Variants in EGF observed in about 807,000 individuals in gnomAD.
The protein encoded by EGF is pro-epidermal growth factor.
In EGF, 95 loss-of-function variants were observed where a neutral mutation model predicts 143.8. The ratio of observed to expected loss-of-function variants is 0.66; its 90% CI spans 0.56 to 0.78. EGF has a LOEUF of 0.78. Ranked by LOEUF, EGF falls within the 30% of genes least tolerant of loss-of-function variation. EGF has a pLI of 0.00. For synonymous variants in EGF, 510 were observed against 510.5 expected, an observed-to-expected ratio of 1.00 and a Z score of 0.01; for missense variants, 1,320 against 1,470.9, an observed-to-expected ratio of 0.90 and a Z score of 1.68.
rs1296494545 is a variant in EGF at position 109,999,680 on chromosome 4, T to C, written c.3007T>C (p.Cys1003Arg). 2 of 1,614,030 alleles carry C rather than the reference T, an allele frequency of 1.2e-6. No homozygotes were observed. The highest frequency in any genetic ancestry group is 8.5e-7 in the Non-Finnish European group (1 of 1,180,018). ...ACCTCTGTTTGTGTGTTGTCACAGC[T>C]GTGTTGTTGGCTACATCGGGGAGCG... is the stretch of plus-strand genomic sequence containing the variant. ...IEALDKYACN[C>R]VVGYIGERCQ... Residue 1003 changes from cysteine to arginine, a missense_variant and splice_region_variant, in exon 21 of 24, where the codon TGT becomes CGT. Cys to Arg is a radical substitution (Grantham distance 180). Around this residue, in one of 5 missense-constraint regions of EGF, gnomAD observed 1,186 missense variants for 1,313.7 expected, o/e 0.90. Coordinates refer to ENST00000265171, the MANE Select transcript of EGF (RefSeq NM_001963.6).
chr4:109,998,193 T>C (rs1232126158), intron 20 of EGF, among the ~76,000 whole-genome samples: 1 of 152,206 alleles, frequency 6.6e-6, no homozygotes, highest in Admixed American at 6.5e-5. Flanking sequence ...CCCATTAACA[T>C]CCAACAGTTT....
rs1463568949 is a variant in EGF, at chr4:110,008,207, G to C, written c.3347G>C (p.Gly1116Ala). The C allele has an allele frequency of 6.2e-7, 1 of 1,614,066 alleles. No homozygotes were observed. The highest frequency in any genetic ancestry group is 1.7e-5 in the Admixed American group (1 of 59,980). ...DLKNGGQPVA[G>A]EDGQAADGSM... The stretch of plus-strand genomic sequence containing the variant: ...AAGAATGGGGGTCAACCAGTGGCTG[G>C]TGAGGATGGCCAGGCAGCAGATGGT... Residue 1116 changes from glycine (G) to alanine (A), a missense_variant, in exon 23 of 24, where the codon GGT becomes GCT. Physicochemically the swap from Gly to Ala is moderately conservative, Grantham distance 60. Coordinates refer to ENST00000265171, the MANE Select transcript of EGF (RefSeq NM_001963.6).
intron 11 of EGF, among the ~76,000 whole-genome samples, chr4:109,970,629 A>G (rs149962037): frequency 6.8e-4 from 103 of 152,170 alleles, no homozygotes; most frequent in East Asian, 4.3e-3. Context: ...GATCGAGACC[A>G]TCCTGGCTAA....
chr4:109,948,590 C>A (rs1478818301), intron 5 of EGF, among the ~76,000 whole-genome samples: 2 of 151,988 alleles, frequency 1.3e-5, no homozygotes, highest in Admixed American at 1.3e-4. Flanking sequence ...ATCAAGCAAT[C>A]CTCCTGCCTC....
intron 16 of EGF, among the ~76,000 whole-genome samples, chr4:109,986,509 A>G (rs1328647914): frequency 6.6e-6 from 1 of 152,212 alleles, no homozygotes; most frequent in Non-Finnish European, 1.5e-5. Flanking sequence ...ATCAAATGCA[A>G]TTACCCAATG....
chr4:110,010,968 G>C (rs1340984226), intron 23 of EGF, among the ~76,000 whole-genome samples: 1 of 152,000 alleles, frequency 6.6e-6, no homozygotes, highest in Non-Finnish European at 1.5e-5. Flanking sequence ...CTGAGCCTAG[G>C]AGGAAGAGGC....
intron 1 of EGF, among the ~76,000 whole-genome samples, chr4:109,938,061 C>T (rs1199036250): frequency 1.3e-5 from 2 of 152,220 alleles, no homozygotes; most frequent in East Asian, 1.9e-4. Flanking sequence ...TGTTGGCCTG[C>T]CTTGCTAGGT....
chr4:109,917,521 C>G (rs1345266044), intron 1 of EGF, among the ~76,000 whole-genome samples: 1 of 151,632 alleles, frequency 6.6e-6, no homozygotes, highest in Non-Finnish European at 1.5e-5. Flanking sequence ...TCAATTTTTA[C>G]TTTACATTCA....
chr4:110,004,163 C>A, intron 21 of EGF: 1 of 372,418 alleles, frequency 2.7e-6, no homozygotes, highest in South Asian at 2.1e-5. Flanking sequence ...TCAATAGATA[C>A]CTGTGAATGA....
At chr4:109,934,931 T>G (rs1054704586) in intron 1 of EGF, among the ~76,000 whole-genome samples, 8 of 152,204 alleles carry the variant, frequency 5.3e-5, no homozygotes, top group Non-Finnish European at 1.2e-4. Flanking sequence ...ATATTTGTTT[T>G]GGTACCGGTA....
intron 16 of EGF, among the ~76,000 whole-genome samples, chr4:109,986,042 TGAAAAATA>T (rs1750066064): frequency 1.3e-5 from 2 of 152,268 alleles, no homozygotes; most frequent in Admixed American, 1.3e-4. Context: ...AGAACCATCA[TGAAAAATA>T]GACCTGGCAG....
intron 10 of EGF, among the ~76,000 whole-genome samples, chr4:109,965,237 A>G (rs11568965): frequency 1.3e-5 from 2 of 152,090 alleles, no homozygotes; most frequent in African/African-American, 4.8e-5. Flanking sequence ...GTTATTAATT[A>G]CCCTGCATAA....
chr4:109,953,852 T>C (rs1180184433), intron 5 of EGF, among the ~76,000 whole-genome samples: 1 of 152,190 alleles, frequency 6.6e-6, no homozygotes, highest in Non-Finnish European at 1.5e-5. Flanking sequence ...GGTGCGGTGG[T>C]GACAATGGTA....
chr4:109,918,838 T>C (rs980392247), intron 1 of EGF, among the ~76,000 whole-genome samples: 2 of 152,216 alleles, frequency 1.3e-5, no homozygotes, highest in African/African-American at 4.8e-5. Context: ...TTCATTCCTG[T>C]TCCTAAAAGT....
chr4:109,974,410 C>G (rs1748153183), intron 11 of EGF, among the ~76,000 whole-genome samples: 1 of 152,210 alleles, frequency 6.6e-6, no homozygotes, highest in African/African-American at 2.4e-5. Flanking sequence ...TGTCCTCACC[C>G]AGCCACTGAC....
At chr4:109,919,325 C>CTATCTCTCA (rs1737332598) in intron 1 of EGF, among the ~76,000 whole-genome samples, 1 of 134,060 alleles carries the variant, frequency 7.5e-6, no homozygotes, top group Non-Finnish European at 1.6e-5. Context: ...CTCTCTCTCT[C>CTATCTCTCA]TCTCTCTCTC....
Position 109,987,821 on chromosome 4 carries a change from T to G in EGF, c.2569T>G (p.Cys857Gly). 19 of 1,613,922 alleles carry G rather than the reference T, an allele frequency of 1.2e-5. No homozygotes were observed. Among genetic ancestry groups the G allele is most frequent in the Non-Finnish European group, 1.6e-5 (19 of 1,179,848 alleles). Residue 857 changes from cysteine to glycine, a missense_variant, in exon 17 of 24, where the codon TGT (cysteine) becomes GGT (glycine). Physicochemically the swap from Cys to Gly is radical, Grantham distance 159 (BLOSUM62 -3). This residue lies in a region of EGF where 1,186 missense variants were observed against 1,313.7 expected (regional missense o/e 0.90). Transcript: ENST00000265171. Reference protein sequence around the residue: ...ISEGEDATCQCLKGFAGDGKL... With the variant: ...ISEGEDATCQGLKGFAGDGKL... Reference sequence around the variant, plus strand: ...AGAGGGAGAGGATGCCACATGTCAGTGTTTGAAAGGATTTGCTGGGGATGG... The same window carrying G: ...AGAGGGAGAGGATGCCACATGTCAGGGTTTGAAAGGATTTGCTGGGGATGG...
intron 13 of EGF, chr4:109,977,536 TA>T (rs201467416): frequency 0.032 from 4,554 of 142,202 alleles, 177 homozygotes; most frequent in African/African-American, 0.1. Flanking sequence ...CATACATTAC[TA>T]AAAAAAAAAA....
intron 20 of EGF, among the ~76,000 whole-genome samples, chr4:109,997,174 A>T: frequency 6.6e-6 from 1 of 152,098 alleles, no homozygotes. Context: ...TCTTGCGCTG[A>T]GTCAGTTCCT....
Sources: allele counts gnomAD v4.1 joint callset (sites outside exome capture counted in the v4.1 genomes callset), GRCh38; gene constraint gnomAD v4.1.1; regional missense constraint gnomAD v4.1.1; transcripts MANE v1.5; gene names NCBI Gene and HGNC (gene_info 2026-07-23, HGNC 2026-07-21).